DDAH1: variants seen among roughly 807,000 people sequenced by gnomAD.
The protein encoded by DDAH1 is dimethylarginine dimethylaminohydrolase 1.
DDAH1 carries 19 observed loss-of-function variants against 28.8 expected under a neutral mutation model. The observed-to-expected ratio is 0.66, with a 90% CI of 0.46 to 0.97. The LOEUF (loss-of-function observed/expected upper bound fraction) is 0.97. Among genes scored for constraint, DDAH1 ranks in the 50% least tolerant of loss-of-function variants. The pLI, the probability that DDAH1 is intolerant of heterozygous loss-of-function variation, is 0.00. For synonymous variants in DDAH1, 153 were observed against 154.4 expected (o/e 0.99, Z 0.07); for missense variants, 326 against 375.9 (o/e 0.87, Z 1.10).
At chr1:85,528,915 A>C (rs1245554738) in intron 1 of DDAH1, among the ~76,000 whole-genome samples, 1 of 150,694 alleles carries the variant, frequency 6.6e-6, no homozygotes, top group African/African-American at 2.4e-5. Flanking sequence ...GGGAGGTTGC[A>C]GTGAGCCGAG....
At chr1:85,357,503 T>C (rs1313083661) in intron 2 of DDAH1, among the ~76,000 whole-genome samples, 1 of 152,262 alleles carries the variant, frequency 6.6e-6, no homozygotes. Context: ...AAGTAAGTAA[T>C]GCAAAACATT....
At chr1:85,576,257 T>C (rs1370330926) in intron 1 of DDAH1, among the ~76,000 whole-genome samples, 1 of 152,164 alleles carries the variant, frequency 6.6e-6, no homozygotes, top group Non-Finnish European at 1.5e-5. Flanking sequence ...GACATGAGAT[T>C]TGGCCCTGAA....
intron 1 of DDAH1, among the ~76,000 whole-genome samples, chr1:85,552,189 A>T (rs927878859): frequency 3.3e-5 from 5 of 152,232 alleles, no homozygotes; most frequent in African/African-American, 1.2e-4. Flanking sequence ...TTTATAGACC[A>T]GAAGAGAAAG....
intron 1 of DDAH1, among the ~76,000 whole-genome samples, chr1:85,381,721 T>G (rs1570461749): frequency 3.0e-5 from 2 of 66,320 alleles, no homozygotes; most frequent in African/African-American, 9.5e-5. Flanking sequence ...CAGATACTGT[T>G]TTTTTTTTTA....
At chr1:85,346,939 TC>T (rs1203757897) in intron 4 of DDAH1, among the ~76,000 whole-genome samples, 1 of 151,720 alleles carries the variant, frequency 6.6e-6, no homozygotes, top group African/African-American at 2.4e-5. Context: ...AACAACCCCA[TC>T]AAAAAGTGGG....
At chr1:85,461,483 C>T (rs1338882557) in intron 1 of DDAH1, among the ~76,000 whole-genome samples, 1 of 151,872 alleles carries the variant, frequency 6.6e-6, no homozygotes, top group Admixed American at 6.6e-5. Flanking sequence ...TAAAAACAAA[C>T]AAAACAACAA....
chr1:85,384,014 G>A (rs937948316), intron 1 of DDAH1, among the ~76,000 whole-genome samples: 3 of 152,102 alleles, frequency 2.0e-5, no homozygotes, highest in South Asian at 2.1e-4. Flanking sequence ...TACTATCTCT[G>A]AGGTATTCCT....
upstream of DDAH1, among the ~76,000 whole-genome samples, chr1:85,466,832 C>CTTTTTTTTTTTTTTTTT (rs10675813): frequency 1.2e-3 from 86 of 70,718 alleles, 8 homozygotes; most frequent in South Asian, 2.1e-3. Context: ...ATTATTTATT[C>CTTTTTTTTTTTTTTTTT]TTTTTTTTTT....
At chr1:85,510,650 G>A (rs947307286) in intron 1 of DDAH1, among the ~76,000 whole-genome samples, 4 of 152,150 alleles carry the variant, frequency 2.6e-5, no homozygotes, top group Admixed American at 1.3e-4. Context: ...AAGGGATGGA[G>A]GAAGATCTAC....
chr1:85,513,810 C>A (rs1384876747), intron 1 of DDAH1, among the ~76,000 whole-genome samples: 2 of 152,206 alleles, frequency 1.3e-5, no homozygotes, highest in African/African-American at 4.8e-5. Flanking sequence ...AAGATACCAT[C>A]TCATGCCAGT....
intron 1 of DDAH1, among the ~76,000 whole-genome samples, chr1:85,459,581 T>C (rs1345382405): frequency 1.3e-5 from 2 of 152,246 alleles, no homozygotes; most frequent in Admixed American, 1.3e-4. Flanking sequence ...ACTGTTAATC[T>C]GCTGCCATGT....
intron 1 of DDAH1, among the ~76,000 whole-genome samples, chr1:85,536,614 T>C (rs1462467605): frequency 6.6e-6 from 1 of 151,980 alleles, no homozygotes; most frequent in Non-Finnish European, 1.5e-5. Flanking sequence ...CACAATGAGA[T>C]ACTACTCATT....
chr1:85,451,229 G>T (rs1288935909), intron 1 of DDAH1, among the ~76,000 whole-genome samples: 1 of 152,176 alleles, frequency 6.6e-6, no homozygotes, highest in African/African-American at 2.4e-5. Flanking sequence ...AGGTGGTCTG[G>T]CCACAGCCCA....
At chr1:85,384,194 G>GT (rs1429939578) in intron 1 of DDAH1, among the ~76,000 whole-genome samples, 7 of 152,220 alleles carry the variant, frequency 4.6e-5, no homozygotes, top group Non-Finnish European at 8.8e-5. Context: ...GAATTGTCTG[G>GT]TTTATTTTCT....
chr1:85,513,066 A>G (rs1570627090), intron 1 of DDAH1, among the ~76,000 whole-genome samples: 1 of 152,200 alleles, frequency 6.6e-6, no homozygotes, highest in East Asian at 1.9e-4. Flanking sequence ...AGAAAGAACA[A>G]AGCTGGAGGC....
rs559825282 is a variant in DDAH1, at chr1:85,460,797, A to G, written c.303+3946T>C. 6.6e-5 allele frequency among the ~76,000 whole-genome samples: 10 copies of G among 152,290 alleles called. No homozygotes were observed. In the East Asian group the frequency reaches 1.7e-3, roughly 26 times the overall value. On this transcript the variant is annotated intron_variant, in intron 1 of 5. Coordinates refer to ENST00000284031, the MANE Select transcript of DDAH1 (RefSeq NM_012137.4). ...GCAAGAGTGGGCGTAGAAGGGCAAC[A>G]CCCACTTTCACTGCATATCCTTTTG...
At chr1:85,512,437 C>T (rs1268418564) in intron 1 of DDAH1, among the ~76,000 whole-genome samples, 12 of 152,302 alleles carry the variant, frequency 7.9e-5, no homozygotes, top group Non-Finnish European at 1.5e-4. Flanking sequence ...TGAAAACTGG[C>T]ACAAGACAGG....
chr1:85,358,632 G>T, intron 2 of DDAH1, 116 bp downstream of exon 2: 1 of 768,132 alleles, frequency 1.3e-6, no homozygotes, highest in Non-Finnish European at 2.0e-6. Flanking sequence ...CTAGGTGACA[G>T]CGAGACTCTG....
chr1:85,519,387 G>A (rs1296710890), intron 1 of DDAH1, among the ~76,000 whole-genome samples: 1 of 152,096 alleles, frequency 6.6e-6, no homozygotes, highest in African/African-American at 2.4e-5. Flanking sequence ...CATTGCATTG[G>A]CTTAGGGAAA....
Sources: allele counts gnomAD v4.1 joint callset (sites outside exome capture counted in the v4.1 genomes callset), GRCh38; gene constraint gnomAD v4.1.1; transcripts MANE v1.5; gene names NCBI Gene and HGNC (gene_info 2026-07-23, HGNC 2026-07-21).